The following COL23A1 variants were observed in gnomAD, a reference collection of about 807,000 sequenced individuals.
The protein encoded by COL23A1 is collagen alpha-1(XXIII) chain.
COL23A1 carries 97 observed loss-of-function variants against 99.3 expected under a neutral mutation model. The observed-to-expected ratio is 0.98, with a 90% CI of 0.83 to 1.16. The LOEUF is 1.16. COL23A1 is among the 50% of genes most tolerant of loss of function. The probability of loss-of-function intolerance (pLI) is 0.00; values close to 1 mark genes in which losing one functional copy is unlikely to be tolerated. For synonymous variants in COL23A1, 320 were observed against 308.2 expected (o/e 1.04, Z -0.40); for missense variants, 762 against 757.4 (o/e 1.01, Z -0.07).
intron 2 of COL23A1, among the ~76,000 whole-genome samples, chr5:178,318,607 G>C (rs912423930): frequency 6.6e-6 from 1 of 152,212 alleles, no homozygotes; most frequent in Non-Finnish European, 1.5e-5. Context: ...GGCGACTCCA[G>C]AAAGGGGCTT....
intron 2 of COL23A1, among the ~76,000 whole-genome samples, chr5:178,322,902 C>A (rs1377859693): frequency 6.6e-6 from 1 of 152,198 alleles, no homozygotes; most frequent in Non-Finnish European, 1.5e-5. Context: ...GTGGGCTGTG[C>A]CCCCAGTGGG....
At chr5:178,463,288 A>AT (rs1457315857) in intron 2 of COL23A1, among the ~76,000 whole-genome samples, 1 of 152,200 alleles carries the variant, frequency 6.6e-6, no homozygotes, top group Non-Finnish European at 1.5e-5. Flanking sequence ...GCATTTTTGA[A>AT]TTTTAAGTGT....
intron 2 of COL23A1, among the ~76,000 whole-genome samples, chr5:178,315,512 C>T (rs1158178240): frequency 1.3e-5 from 2 of 152,200 alleles, no homozygotes; most frequent in Non-Finnish European, 2.9e-5. Flanking sequence ...CGTTTGCCTG[C>T]ACCAGTGATG....
rs1057245295 is a variant in COL23A1, at chr5:178,468,633, G to A, written c.361+92049C>T. 6.6e-6 allele frequency among the ~76,000 whole-genome samples: 1 copy of A among 152,098 alleles called. No individual in the cohort carries two copies. The highest frequency in any genetic ancestry group is 2.4e-5 in the African/African-American group (1 of 41,412). On this transcript the variant is annotated intron_variant, in intron 2 of 28. Coordinates refer to ENST00000390654, the MANE Select transcript of COL23A1 (RefSeq NM_173465.4). This position sits in a 1 kb window ranked among gnomAD's most constrained non-coding sequence, Gnocchi z 4.2. ...TCGAGTCCCCCCAGGCAGCCTGGAG[G>A]GAAGGGCCGGGTCCGAGGTCACGGA...
intron 2 of COL23A1, among the ~76,000 whole-genome samples, chr5:178,520,781 C>T (rs1011945762): frequency 1.3e-5 from 2 of 152,174 alleles, no homozygotes; most frequent in African/African-American, 2.4e-5. Flanking sequence ...CTGTGCACGA[C>T]CCCAGCATAC....
At chr5:178,356,871 T>TG (rs1561893528) in intron 2 of COL23A1, among the ~76,000 whole-genome samples, 1 of 151,708 alleles carries the variant, frequency 6.6e-6, no homozygotes, top group African/African-American at 2.4e-5. Context: ...TGCAACCCCC[T>TG]GGGGTCTGCG....
At chr5:178,318,654 C>A (rs1759110593) in intron 2 of COL23A1, among the ~76,000 whole-genome samples, 1 of 152,200 alleles carries the variant, frequency 6.6e-6, no homozygotes, top group South Asian at 2.1e-4. Context: ...ATAATTCCAG[C>A]ACTTTGGGAG....
At chr5:178,558,144 T>A (rs1367284904) in intron 2 of COL23A1, among the ~76,000 whole-genome samples, 1 of 151,678 alleles carries the variant, frequency 6.6e-6, no homozygotes, top group Non-Finnish European at 1.5e-5. Flanking sequence ...CCCAAGACCT[T>A]CTTGGGGGCC....
Position 178,238,530 on chromosome 5 carries a change from G to T in COL23A1, c.*168C>A, listed in dbSNP as rs576377093. 2 of 866,540 alleles carry T rather than the reference G, an allele frequency of 2.3e-6. No individual in the cohort carries two copies. Among genetic ancestry groups the T allele is most frequent in the African/African-American group, 1.7e-5 (1 of 58,906 alleles). 53.7% of individuals were successfully genotyped at this position (866,540 alleles called of 1,614,324 possible). ...CCCTGGTCTGGCCTGTCCACTTTCC[G>T]GCAGCTTCACATGCCGGTGGCTTTG... On this transcript the variant is annotated 3_prime_UTR_variant, in exon 29 of 29. Coordinates refer to ENST00000390654, the MANE Select transcript of COL23A1 (RefSeq NM_173465.4).
At chr5:178,323,528 G>C (rs544093661) in intron 2 of COL23A1, among the ~76,000 whole-genome samples, 19 of 152,084 alleles carry the variant, frequency 1.2e-4, no homozygotes. Flanking sequence ...TGGGCTAACC[G>C]CAGAGGGTCC....
chr5:178,254,535 G>A (rs1381742972), intron 16 of COL23A1, among the ~76,000 whole-genome samples: 1 of 152,158 alleles, frequency 6.6e-6, no homozygotes, highest in Non-Finnish European at 1.5e-5. Context: ...GGGCTCGGAG[G>A]TCACATATCT....
At position 178,411,744 on chromosome 5, in the gene COL23A1, G is replaced by A. The variant is rs1765066509; in HGVS notation, c.362-104825C>T. Among the ~76,000 whole-genome samples the A allele has an allele frequency of 1.3e-5, 2 of 152,218 alleles. 1 individual carries two copies. The highest frequency in any genetic ancestry group is 4.1e-4 in the South Asian group (2 of 4,836). On this transcript the variant is annotated intron_variant, in intron 2 of 28. Coordinates refer to ENST00000390654, the MANE Select transcript of COL23A1 (RefSeq NM_173465.4). ...GCACAACGCTGTGAATTTATTAAAT[G>A]CTACTGAGTTGTTCACTTAATTTTG...
At chr5:178,568,544 A>G (rs1483990068) in intron 1 of COL23A1, among the ~76,000 whole-genome samples, 1 of 74,060 alleles carries the variant, frequency 1.4e-5, no homozygotes, top group African/African-American at 6.7e-5. Context: ...CACCCCCTCT[A>G]TTTTCAAAAC....
At chr5:178,319,888 C>CGCCCTATT (rs1759195330) in intron 2 of COL23A1, among the ~76,000 whole-genome samples, 1 of 30,958 alleles carries the variant, frequency 3.2e-5, no homozygotes, top group Admixed American at 2.9e-4. Context: ...AGGCCTCCCC[C>CGCCCTATT]GCCCTATCTG....
intron 2 of COL23A1, among the ~76,000 whole-genome samples, chr5:178,380,847 C>T (rs1385002038): frequency 6.6e-6 from 1 of 152,190 alleles, no homozygotes; most frequent in Non-Finnish European, 1.5e-5. Flanking sequence ...GCCAGGACAG[C>T]CTTCCAGGGC....
In COL23A1 at chr5:178,590,032, C is replaced by A. The variant is rs1431982129; in HGVS notation, c.166G>T (p.Val56Phe). 3 of 1,354,240 alleles carry A rather than the reference C, an allele frequency of 2.2e-6. No individual in the cohort carries two copies. The highest frequency in any genetic ancestry group is 2.9e-6 in the Non-Finnish European group (3 of 1,050,218). 83.9% of individuals were successfully genotyped at this position (1,354,240 alleles called of 1,614,324 possible). A position where few individuals can be genotyped will look rare whatever the true frequency, so the allele number is the denominator to read the frequency against. Residue 56 changes from valine (V) to phenylalanine (F), a missense_variant, in exon 1 of 29, where the codon GTC (valine) becomes TTC (phenylalanine). By Grantham distance (50) the Val-to-Phe change is conservative (BLOSUM62 -1). Coordinates refer to ENST00000390654, the MANE Select transcript of COL23A1 (RefSeq NM_173465.4). The surrounding 1 kb of genome is among the most constrained non-coding windows in gnomAD (Gnocchi z 5.7). ...CGGCCCTGCAGCGCGGCCGCCTGGACACCCAGCAGCAGGCAGGCAGCCGCC... is the reference window on the plus strand; with the variant it reads ...CGGCCCTGCAGCGCGGCCGCCTGGAAACCCAGCAGCAGGCAGGCAGCCGCC... The part of the protein sequence containing the change: ...GSAAACLLLG[V>F]QAAALQGRVA...
rs188332356 is a variant in COL23A1, at chr5:178,479,148, C to A, written c.361+81534G>T. 4.0e-3 allele frequency among the ~76,000 whole-genome samples: 611 copies of A among 152,282 alleles called. 9 individuals are homozygous for A. Among genetic ancestry groups the A allele is most frequent in the African/African-American group, 0.014 (574 of 41,544 alleles). On this transcript the variant is annotated intron_variant, in intron 2 of 28. Coordinates refer to ENST00000390654, the MANE Select transcript of COL23A1 (RefSeq NM_173465.4). ...TGACCGTGGTAATGACAACAGCCAA[C>A]ACTCACAGATACTTAACACCATCAG...
chr5:178,445,696 C>T (rs1455504844), intron 2 of COL23A1, among the ~76,000 whole-genome samples: 1 of 151,908 alleles, frequency 6.6e-6, no homozygotes, highest in Non-Finnish European at 1.5e-5. Context: ...TATTTAACTA[C>T]AGAAAATTAA....
chr5:178,503,198 T>A (rs1758670465), intron 2 of COL23A1, among the ~76,000 whole-genome samples: 1 of 152,152 alleles, frequency 6.6e-6, no homozygotes, highest in Admixed American at 6.5e-5. Flanking sequence ...CTGGCCAACA[T>A]GGTGAAACTC....
Sources: allele counts gnomAD v4.1 joint callset (sites outside exome capture counted in the v4.1 genomes callset), GRCh38; gene constraint gnomAD v4.1.1; non-coding constraint Gnocchi (gnomAD v3.1); transcripts MANE v1.5; gene names NCBI Gene and HGNC (gene_info 2026-07-23, HGNC 2026-07-21).